Variants in MARCHF1 observed in about 807,000 individuals in gnomAD.
The protein encoded by MARCHF1 is E3 ubiquitin-protein ligase MARCHF1.
Under a neutral mutation model 54.2 loss-of-function variants are expected in MARCHF1, and 40 were observed. The ratio of observed to expected loss-of-function variants is 0.74; its 90% confidence interval spans 0.57 to 0.96. The LOEUF is 0.96. MARCHF1 is among the 40% of genes least tolerant of loss of function. The probability of loss-of-function intolerance (pLI) is 0.00; values close to 1 mark genes in which losing one functional copy is unlikely to be tolerated. For missense variants in MARCHF1, 586 were observed against 656.5 expected, an observed-to-expected ratio of 0.89 and a Z score of 1.17; for synonymous variants, 236 against 236.3, an observed-to-expected ratio of 1.00 and a Z score of 0.01.
At chr4:163,575,745 G>T (rs1740015693) in intron 8 of MARCHF1, among the ~76,000 whole-genome samples, 1 of 151,596 alleles carries the variant, frequency 6.6e-6, no homozygotes, top group South Asian at 2.1e-4. Flanking sequence ...TCTGTTCAGG[G>T]TTTCCATTTC....
intron 1 of MARCHF1, among the ~76,000 whole-genome samples, chr4:164,206,519 G>T (rs1731611499): frequency 6.6e-6 from 1 of 151,928 alleles, no homozygotes. Flanking sequence ...TATTGAATGG[G>T]CCAAAGTTGT....
At chr4:164,349,615 T>A (rs1021513335) in intron 1 of MARCHF1, among the ~76,000 whole-genome samples, 8 of 152,120 alleles carry the variant, frequency 5.3e-5, no homozygotes, top group African/African-American at 1.9e-4. Flanking sequence ...TTTTAGAGAG[T>A]AAAAGTTTTC....
intron 5 of MARCHF1, among the ~76,000 whole-genome samples, chr4:163,683,810 C>A (rs1209667340): frequency 1.3e-5 from 2 of 152,118 alleles, no homozygotes; most frequent in Non-Finnish European, 2.9e-5. Context: ...CTGGACATGG[C>A]TCAGCAAAGA....
chr4:164,083,519 T>C (rs1371663162), intron 2 of MARCHF1, among the ~76,000 whole-genome samples: 2 of 151,792 alleles, frequency 1.3e-5, no homozygotes, highest in African/African-American at 4.8e-5. Flanking sequence ...GAAAGGAAAA[T>C]AGCCAGACAA....
chr4:164,190,866 A>C (rs1038081648), intron 1 of MARCHF1, among the ~76,000 whole-genome samples: 1 of 152,160 alleles, frequency 6.6e-6, no homozygotes, highest in Non-Finnish European at 1.5e-5. Flanking sequence ...CACATTACTG[A>C]GCTAGCCACC....
chr4:164,148,344 A>G (rs534874871), intron 1 of MARCHF1, among the ~76,000 whole-genome samples: 2 of 152,172 alleles, frequency 1.3e-5, no homozygotes, highest in African/African-American at 4.8e-5. Flanking sequence ...GATAATTCAG[A>G]CTCTTGAAGA....
Position 164,002,560 on chromosome 4 carries a change from CAT to C in MARCHF1, c.-247-13853_-247-13852del, listed in dbSNP as rs535486335. 2.0e-4 allele frequency among the ~76,000 whole-genome samples: 31 copies of C among 151,358 alleles called. No individual in the cohort carries two copies. The South Asian group carries it at 5.6e-3, about 27-fold the overall frequency. On this transcript the variant is annotated intron_variant, in intron 2 of 9. Coordinates refer to ENST00000514618, the MANE Select transcript of MARCHF1 (RefSeq NM_001394959.1). ...ACTTAAAAAACCAGTGAATCAGTAA[CAT>C]GTGGGGAAAATCAAGACGTTAAACA...
At chr4:163,842,040 T>C (rs1749354664) in intron 4 of MARCHF1, among the ~76,000 whole-genome samples, 1 of 152,156 alleles carries the variant, frequency 6.6e-6, no homozygotes, top group Admixed American at 6.6e-5. Context: ...TTTTGGCTTT[T>C]AACCTAAGGA....
chr4:163,909,609 C>T (rs1751146544), intron 3 of MARCHF1, among the ~76,000 whole-genome samples: 1 of 152,130 alleles, frequency 6.6e-6, no homozygotes, highest in African/African-American at 2.4e-5. Context: ...AAGCAACTAT[C>T]AAAAGTTTTA....
Position 164,143,868 on chromosome 4 carries a change from A to G in MARCHF1, c.-322-32206T>C, listed in dbSNP as rs561009904. Among the ~76,000 whole-genome samples the G allele has an allele frequency of 5.4e-3, 821 of 152,334 alleles. 10 individuals carry two copies. Among genetic ancestry groups the G allele is most frequent in the African/African-American group, 0.019 (795 of 41,576 alleles). On this transcript the variant is annotated intron_variant, in intron 1 of 9. Coordinates refer to ENST00000514618, the MANE Select transcript of MARCHF1 (RefSeq NM_001394959.1). ...GGACTAAATGCTCCAATTAAAAGAC[A>G]CAGACTGGCAAATTGGATAAAGAGT...
In MARCHF1 at chr4:164,214,071, T is replaced by C. The variant is rs1038496576; in HGVS notation, c.-322-102409A>G. 9.2e-5 allele frequency among the ~76,000 whole-genome samples: 14 copies of C among 152,158 alleles called. No individual in the cohort carries two copies. The East Asian group carries it at 2.3e-3, about 25-fold the overall frequency. The stretch of plus-strand genomic sequence containing the variant: ...TGGGTAAATATATACACCTACTATG[T>C]ACCCATAAAAATTTTAAAACGTCCA... On this transcript the variant is annotated intron_variant, in intron 1 of 9. Coordinates refer to ENST00000514618, the MANE Select transcript of MARCHF1 (RefSeq NM_001394959.1).
chr4:163,539,756 A>G (rs1738665282), intron 9 of MARCHF1, among the ~76,000 whole-genome samples: 1 of 152,224 alleles, frequency 6.6e-6, no homozygotes, highest in South Asian at 2.1e-4. Flanking sequence ...AATCCCATCA[A>G]AAAATAAACT....
chr4:163,888,282 T>C (rs1750582292), intron 3 of MARCHF1, among the ~76,000 whole-genome samples: 1 of 152,120 alleles, frequency 6.6e-6, no homozygotes. Context: ...TAAGTGAATA[T>C]ACTAAAGAAA....
intron 4 of MARCHF1, among the ~76,000 whole-genome samples, chr4:163,768,471 C>T (rs1747056619): frequency 6.6e-6 from 1 of 152,170 alleles, no homozygotes; most frequent in Non-Finnish European, 1.5e-5. Flanking sequence ...TAGTTTTACT[C>T]CCATTTTGGC....
chr4:163,853,483 CTT>C (rs1349444460), intron 4 of MARCHF1, among the ~76,000 whole-genome samples: 1 of 152,142 alleles, frequency 6.6e-6, no homozygotes, highest in Admixed American at 6.6e-5. Context: ...AGCATTTAAA[CTT>C]ATCGCAGAAA....
chr4:163,932,464 C>G (rs575970490), intron 3 of MARCHF1: 32 of 377,322 alleles, frequency 8.5e-5, no homozygotes, highest in Admixed American at 7.4e-4. Flanking sequence ...CAACAATGCT[C>G]ACAGCATGTT....
chr4:164,144,067 A>G (rs1729589031), intron 1 of MARCHF1, among the ~76,000 whole-genome samples: 1 of 152,204 alleles, frequency 6.6e-6, no homozygotes, highest in Non-Finnish European at 1.5e-5. Context: ...ATCAAAAGAG[A>G]CAAAGGAGGC....
At chr4:164,322,176 A>G (rs1194536546) in intron 1 of MARCHF1, among the ~76,000 whole-genome samples, 4 of 152,086 alleles carry the variant, frequency 2.6e-5, no homozygotes, top group African/African-American at 4.8e-5. Flanking sequence ...TGAATATATT[A>G]ATCATTTACT....
At chr4:164,084,976 T>C (rs1755167102) in intron 2 of MARCHF1, among the ~76,000 whole-genome samples, 1 of 151,790 alleles carries the variant, frequency 6.6e-6, no homozygotes, top group African/African-American at 2.4e-5. Flanking sequence ...TAAATTTGCT[T>C]TTTAAGCCCA....
Sources: allele counts gnomAD v4.1 joint callset (sites outside exome capture counted in the v4.1 genomes callset), GRCh38; gene constraint gnomAD v4.1.1; transcripts MANE v1.5; gene names NCBI Gene and HGNC (gene_info 2026-07-23, HGNC 2026-07-21).